The following AADAC variants were observed in gnomAD, a reference collection of about 807,000 sequenced individuals.
The protein encoded by AADAC is arylacetamide deacetylase.
In AADAC, 17 loss-of-function variants were observed where a neutral mutation model predicts 22.7. That is an observed-to-expected ratio of 0.75 (90% CI 0.51 to 1.12). The LOEUF (loss-of-function observed/expected upper bound fraction) is 1.12. Among genes scored for constraint, AADAC ranks in the 50% most tolerant of loss-of-function variants. The pLI, the probability that AADAC is intolerant of heterozygous loss-of-function variation, is 0.00. For synonymous variants in AADAC, 167 were observed against 176.3 expected, an observed-to-expected ratio of 0.95 and a Z score of 0.42; for missense variants, 465 against 473.9, an observed-to-expected ratio of 0.98 and a Z score of 0.17.
chr3:151,827,475 A>G (rs1015190336), intron 4 of AADAC, 101 bp from the exon 5 acceptor site: 1 of 732,284 alleles, frequency 1.4e-6, no homozygotes, highest in Non-Finnish European at 2.2e-6. Context: ...ATGAATAGAT[A>G]GATAGATAAA....
chr3:151,814,336 C>A, intron 1 of AADAC, 36 bp downstream of exon 1: 1 of 1,573,968 alleles, frequency 6.4e-7, no homozygotes, highest in Non-Finnish European at 8.6e-7. Context: ...GATGTGCATA[C>A]ACCACCATTT....
In AADAC at chr3:151,827,857, T is replaced by C. The variant is rs756268723; in HGVS notation, c.885T>C (p.His295=). The C allele has an allele frequency of 7.4e-6, 12 of 1,612,840 alleles. No homozygotes were observed. Among genetic ancestry groups the C allele is most frequent in the Non-Finnish European group, 1.0e-5 (12 of 1,179,476 alleles). ...SLLPERFIKG[H]VYNNPNYGSS... ...TCCCTGAGAGGTTTATAAAAGGACA[T>C]GTTTATAACAATCCAAATTATGGCA... Residue 295 remains histidine (H), a synonymous_variant, in exon 5 of 5, where the codon CAT becomes CAC. Transcript: ENST00000232892.
rs869240926 is a variant in AADAC at position 151,824,948 on chromosome 3, TG to T, written c.603+115del. 111 of 743,468 alleles carry T rather than the reference TG, an allele frequency of 1.5e-4. 2 individuals carry two copies. The highest frequency in any genetic ancestry group is 1.8e-4 in the Non-Finnish European group (101 of 556,264). The allele number at this position is 743,468 out of a possible 1,614,324, so 46.1% of individuals were successfully genotyped here. A position where few individuals can be genotyped will look rare whatever the true frequency, so the allele number is the denominator to read the frequency against. On this transcript the variant is annotated intron_variant, in intron 4 of 4. Coordinates refer to ENST00000232892, the MANE Select transcript of AADAC (RefSeq NM_001086.3). ...AAATATGAATGCAAATAGGAGATAT[TG>T]ATTTTTTGAAACTATTAAAGAGAAT...
At chr3:151,816,971 T>A (rs568931528) in intron 1 of AADAC, among the ~76,000 whole-genome samples, 1 of 152,010 alleles carries the variant, frequency 6.6e-6, no homozygotes, top group African/African-American at 2.4e-5. Context: ...AGATTCTCAG[T>A]TGATTTTTCC....
intron 4 of AADAC, among the ~76,000 whole-genome samples, chr3:151,825,909 C>T (rs1013985472): frequency 7.9e-5 from 12 of 151,856 alleles, no homozygotes; most frequent in African/African-American, 2.9e-4. Context: ...TTGGATAAAT[C>T]ATTCATTTAA....
chr3:151,814,299 T>C lies in AADAC; in HGVS notation c.137T>C (p.Leu46Ser), dbSNP rs570186154. 9.3e-6 allele frequency: 15 copies of C among 1,610,076 alleles called. No homozygotes were observed. In the South Asian group the frequency reaches 1.7e-4, roughly 18 times the overall value. Residue 46 changes from leucine (L) to serine (S), a missense_variant and splice_region_variant, in exon 1 of 5, where the codon TTG becomes TCG. Transcript: ENST00000232892. Reference sequence around the variant, plus strand: ...GCACATCTGAAAACTATACAAAATTTGGTAAGTTTGGAATTTTATGAATTC... The same window carrying C: ...GCACATCTGAAAACTATACAAAATTCGGTAAGTTTGGAATTTTATGAATTC... ...INAHLKTIQN[L>S]ATFVELLGLH...
intron 3 of AADAC, 53 bp from the exon 4 acceptor site, chr3:151,824,608 TAC>T (rs1716394285): frequency 2.3e-6 from 3 of 1,301,414 alleles, no homozygotes; most frequent in Non-Finnish European, 3.0e-6. Context: ...AATAATATAT[TAC>T]AGTCTAATCA....
At chr3:151,815,908 T>A (rs1209911366) in intron 1 of AADAC, among the ~76,000 whole-genome samples, 1 of 151,994 alleles carries the variant, frequency 6.6e-6, no homozygotes, top group Non-Finnish European at 1.5e-5. Context: ...ATACCCTTTA[T>A]TAAAGGATTA....
chr3:151,815,264 C>T (rs970290684), intron 1 of AADAC, among the ~76,000 whole-genome samples: 2 of 151,840 alleles, frequency 1.3e-5, no homozygotes, highest in African/African-American at 4.8e-5. Context: ...TACTTAGGGA[C>T]CAGAAGAATG....
In AADAC at chr3:151,820,496, G is replaced by A. The variant is rs146344864; in HGVS notation, c.431+44G>A. 6.4e-5 allele frequency: 67 copies of A among 1,051,084 alleles called. No homozygotes were observed. The African/African-American group carries it at 1.1e-3, about 17-fold the overall frequency. The allele number at this position is 1,051,084 out of a possible 1,614,324, so 65.1% of individuals were successfully genotyped here. A position where few individuals can be genotyped will look rare whatever the true frequency, so the allele number is the denominator to read the frequency against. ...GGTTTCCTGGCCAGATGTCTGACATGCCAAGATTTTCTCAGCTTTCTTTTT... is the reference window on the plus strand; with the variant it reads ...GGTTTCCTGGCCAGATGTCTGACATACCAAGATTTTCTCAGCTTTCTTTTT... On this transcript the variant is annotated intron_variant, in intron 3 of 4. Coordinates refer to ENST00000232892, the MANE Select transcript of AADAC (RefSeq NM_001086.3).
chr3:151,827,782 A>G lies in AADAC; in HGVS notation c.810A>G (p.Val270=). The G allele has an allele frequency of 6.2e-7, 1 of 1,613,376 alleles. No homozygotes were observed. Among genetic ancestry groups the G allele is most frequent in the Non-Finnish European group, 8.5e-7 (1 of 1,179,540 alleles). Residue 270 remains valine, a synonymous_variant, in exon 5 of 5, where the codon GTA becomes GTG. Coordinates refer to ENST00000232892, the MANE Select transcript of AADAC (RefSeq NM_001086.3). ...AAGCCATGCTTTCCAGACAACATGT[A>G]CCTGTGGAATCAAGTCATCTCTTCA... ...LEKAMLSRQH[V]PVESSHLFKF... is the part of the protein sequence containing the mutation.
Position 151,828,139 on chromosome 3 carries a change from T to A in AADAC, c.1167T>A (p.Asn389Lys). The A allele has an allele frequency of 6.9e-6, 11 of 1,597,782 alleles. No homozygotes were observed. Among genetic ancestry groups the A allele is most frequent in the Non-Finnish European group, 9.4e-6 (11 of 1,168,522 alleles). ...TTAAAATTAGTCACAGACTTATAAA[T>A]CAGTATATTGAGTGGCTAAAGGAAA... The part of the protein sequence containing the change: ...LGLKISHRLI[N>K]QYIEWLKENL Residue 389 changes from asparagine (N) to lysine (K), a missense_variant, in exon 5 of 5, where the codon AAT becomes AAA. Asn to Lys is a moderately conservative substitution (Grantham distance 94). Coordinates refer to ENST00000232892, the MANE Select transcript of AADAC (RefSeq NM_001086.3).
chr3:151,820,380 C>A lies in AADAC; in HGVS notation c.362-3C>A. Reference sequence around the variant, plus strand: ...ATATGTTGCTTTTATCCTTTTATTTCAGCTCTAAGTGGTTATGACTTGCTG... The same window carrying A: ...ATATGTTGCTTTTATCCTTTTATTTAAGCTCTAAGTGGTTATGACTTGCTG... On this transcript the variant is annotated splice_region_variant and splice_polypyrimidine_tract_variant and intron_variant, in intron 2 of 4. Transcript: ENST00000232892. 1.3e-6 allele frequency: 2 copies of A among 1,568,200 alleles called. No homozygotes were observed. The highest frequency in any genetic ancestry group is 1.7e-6 in the Non-Finnish European group (2 of 1,154,480).
At chr3:151,827,157 A>G (rs1716531114) in intron 4 of AADAC, among the ~76,000 whole-genome samples, 1 of 151,838 alleles carries the variant, frequency 6.6e-6, no homozygotes, top group South Asian at 2.1e-4. Context: ...CAAGCAATCC[A>G]CACTTCAGCC....
chr3:151,825,464 A>C (rs1716450419), intron 4 of AADAC, among the ~76,000 whole-genome samples: 2 of 151,852 alleles, frequency 1.3e-5, no homozygotes, highest in Admixed American at 6.6e-5. Context: ...AGATCATGTA[A>C]TTGTGAGACT....
intron 1 of AADAC, among the ~76,000 whole-genome samples, chr3:151,817,067 T>C (rs1284686652): frequency 6.6e-6 from 1 of 152,096 alleles, no homozygotes; most frequent in Non-Finnish European, 1.5e-5. Context: ...AGAAAAGCTT[T>C]CCAGCTAATC....
intron 2 of AADAC, among the ~76,000 whole-genome samples, chr3:151,819,201 G>A (rs754226404): frequency 6.6e-4 from 100 of 152,072 alleles, no homozygotes; most frequent in Non-Finnish European, 8.2e-4. Context: ...AAAATTGTTG[G>A]GTGAAGGAAT....
In AADAC at chr3:151,826,005, T is replaced by G. The variant is rs576987794; in HGVS notation, c.603+1171T>G. Among the ~76,000 whole-genome samples, 54 of 61,574 alleles carry G rather than the reference T, an allele frequency of 8.8e-4. 1 individual carries two copies. Among genetic ancestry groups the G allele is most frequent in the African/African-American group, 2.9e-3 (46 of 15,634 alleles). The allele number at this position is 61,574 out of a possible 152,430, so 40.4% of individuals were successfully genotyped here. ...AGTTAAGTAGAACATATGTAGAAGG[T>G]TAGATTTTTATTAGTTGACTTTAGT... On this transcript the variant is annotated intron_variant, in intron 4 of 4. Transcript: ENST00000232892.
Position 151,814,177 on chromosome 3 carries a change from G to C in AADAC, c.15G>C (p.Ser5=). The change falls in exon 1 of 5, where the codon TCG becomes TCC. Residue 5 remains serine (S), a synonymous_variant. Coordinates refer to ENST00000232892, the MANE Select transcript of AADAC (RefSeq NM_001086.3). ...GGACGTTCACCATGGGAAGAAAATCGCTGTACCTTCTGATTGTGGGGATCC... is the reference window on the plus strand; with the variant it reads ...GGACGTTCACCATGGGAAGAAAATCCCTGTACCTTCTGATTGTGGGGATCC... The part of the protein sequence containing the change: MGRK[S]LYLLIVGILI... 2 of 1,613,278 alleles carry C rather than the reference G, an allele frequency of 1.2e-6. No individual in the cohort carries two copies. The highest frequency in any genetic ancestry group is 1.7e-6 in the Non-Finnish European group (2 of 1,179,546).
Sources: gnomAD v4.1 joint callset for allele counts (sites outside exome capture counted in the v4.1 genomes callset) on GRCh38, gnomAD v4.1.1 for gene constraint, MANE v1.5 for transcripts, NCBI Gene and HGNC (gene_info 2026-07-23, HGNC 2026-07-21) for gene names.